Variants in MASTL observed in about 807,000 individuals in gnomAD.
MASTL encodes the protein serine/threonine-protein kinase greatwall.
MASTL carries 54 observed loss-of-function variants against 82.5 expected under a neutral mutation model. The observed-to-expected ratio is 0.65, with a 90% CI of 0.53 to 0.82. The LOEUF is 0.82. Ranked by LOEUF, MASTL falls within the 40% of genes least tolerant of loss-of-function variation. The probability of loss-of-function intolerance (pLI) is 0.00; values close to 1 mark genes in which losing one functional copy is unlikely to be tolerated. For synonymous variants in MASTL, 323 were observed against 368.9 expected (o/e 0.88, Z 1.43); for missense variants, 950 against 1,047.8 (o/e 0.91, Z 1.29).
rs760256464 is a variant in MASTL at position 27,165,419 on chromosome 10, C to T, written c.691C>T (p.Pro231Ser). Residue 231 changes from proline to serine, a missense_variant, in exon 6 of 12, where the codon CCT becomes TCT. Pro to Ser is a moderately conservative substitution (Grantham distance 74). Coordinates refer to ENST00000375940, the MANE Select transcript of MASTL (RefSeq NM_001172303.3). ...ACCAATTGCAGAAAAAAATCAAGACCCTGCAAACATCCTTTCAGCCTGTCT... is the reference window on the plus strand; with the variant it reads ...ACCAATTGCAGAAAAAAATCAAGACTCTGCAAACATCCTTTCAGCCTGTCT... ...NTPIAEKNQD[P>S]ANILSACLSE... is the part of the protein sequence containing the mutation. 2 of 1,614,014 alleles carry T rather than the reference C, an allele frequency of 1.2e-6. No individual in the cohort carries two copies. The highest frequency in any genetic ancestry group is 3.3e-5 in the Admixed American group (2 of 59,994).
chr10:27,178,094 T>C (rs1411434722), intron 9 of MASTL, among the ~76,000 whole-genome samples: 3 of 152,046 alleles, frequency 2.0e-5, no homozygotes, highest in Non-Finnish European at 4.4e-5. Context: ...ATAGTATTGA[T>C]ACAAATATTA....
rs58196933 is a variant in MASTL at position 27,160,159 on chromosome 10, C to CTT, written c.464+429_464+430dup. On this transcript the variant is annotated intron_variant, in intron 3 of 11. Coordinates refer to ENST00000375940, the MANE Select transcript of MASTL (RefSeq NM_001172303.3). ...TAGAGGTGTGTGCCATTACTCTTGG[C>CTT]TTTTTTTTTTTTTTTTTTTTTTTTT... Among the ~76,000 whole-genome samples, 349 of 40,608 alleles carry CTT rather than the reference C, an allele frequency of 8.6e-3. 93 individuals are homozygous for CTT. The highest frequency in any genetic ancestry group is 0.039 in the African/African-American group (283 of 7,234). The allele number at this position is 40,608 out of a possible 152,430, so 26.6% of individuals were successfully genotyped here.
chr10:27,181,943 C>T (rs375489712), intron 11 of MASTL, among the ~76,000 whole-genome samples: 5 of 151,846 alleles, frequency 3.3e-5, no homozygotes, highest in Admixed American at 2.0e-4. Flanking sequence ...GGCATAGTGG[C>T]GGGTGCCTGT....
intron 2 of MASTL, 76 bp downstream of exon 2, chr10:27,158,762 T>G: frequency 6.5e-7 from 1 of 1,540,212 alleles, no homozygotes; most frequent in Non-Finnish European, 9.0e-7. Context: ...AGAACCATGT[T>G]TTGGTTCAGA....
chr10:27,171,401 G>C (rs1217534206), intron 8 of MASTL, among the ~76,000 whole-genome samples: 1 of 147,026 alleles, frequency 6.8e-6, no homozygotes, highest in Non-Finnish European at 1.5e-5. Flanking sequence ...ACAGTACTAT[G>C]AGTTACAAAA....
Position 27,170,592 on chromosome 10 carries a change from A to G in MASTL, c.1633A>G (p.Lys545Glu), listed in dbSNP as rs770322604. 1.2e-6 allele frequency: 2 copies of G among 1,611,068 alleles called. No homozygotes were observed. Among genetic ancestry groups the G allele is most frequent in the South Asian group, 2.2e-5 (2 of 90,436 alleles). ...CGATGAAGACTGTGAAAAGAATAGT[A>G]AGAGGGACTACTTAAGTTCTAGTTT... ...ELDEDCEKNSKRDYLSSSFLC... is the reference protein window; with the variant it reads ...ELDEDCEKNSERDYLSSSFLC... Residue 545 changes from lysine (K) to glutamate (E), a missense_variant, in exon 8 of 12, where the codon AAG (lysine) becomes GAG (glutamate). Transcript: ENST00000375940.
intron 3 of MASTL, among the ~76,000 whole-genome samples, chr10:27,160,888 T>G (rs780302125): frequency 3.9e-5 from 6 of 152,240 alleles, no homozygotes; most frequent in African/African-American, 7.2e-5. Context: ...TATTAATTTA[T>G]CTTTTTTGTA....
intron 9 of MASTL, among the ~76,000 whole-genome samples, chr10:27,179,191 C>T (rs1293956179): frequency 3.3e-5 from 5 of 152,258 alleles, no homozygotes; most frequent in East Asian, 1.9e-4. Flanking sequence ...TCTTAGGAAA[C>T]ACTTTGTTCA....
Position 27,167,208 on chromosome 10 carries a change from C to T in MASTL, c.918C>T (p.Ser306=). 6.2e-7 allele frequency: 1 copy of T among 1,614,106 alleles called. No individual in the cohort carries two copies. Among genetic ancestry groups the T allele is most frequent in the African/African-American group, 1.3e-5 (1 of 75,048 alleles). The change falls in exon 7 of 12, where the codon TCC becomes TCT. Residue 306 remains serine (S), a synonymous_variant. Coordinates refer to ENST00000375940, the MANE Select transcript of MASTL (RefSeq NM_001172303.3). The part of the protein sequence containing the change: ...RLATSSASSQ[S]HTFISSVESE... ...CCACATCCAGTGCCAGTAGTCAATC[C>T]CACACCTTCATATCCAGTGTGGAAT...
rs566122221 is a variant in MASTL at position 27,180,903 on chromosome 10, A to G, written c.2267-50A>G. ...CACAATTAATATTTCTGTTCATCAA[A>G]TATTTGTAGAGAATGCTTGCAACTT... On this transcript the variant is annotated intron_variant, in intron 9 of 11. Transcript: ENST00000375940. 2.5e-6 allele frequency: 3 copies of G among 1,179,506 alleles called. No homozygotes were observed. The South Asian group carries it at 3.6e-5, about 14-fold the overall frequency. 73.1% of individuals were successfully genotyped at this position (1,179,506 alleles called of 1,614,324 possible).
intron 11 of MASTL, among the ~76,000 whole-genome samples, chr10:27,182,940 G>T (rs1201643663): frequency 6.6e-6 from 1 of 152,006 alleles, no homozygotes; most frequent in East Asian, 1.9e-4. Context: ...GAGCCACCTT[G>T]CCTGTCCTAA....
chr10:27,168,645 C>T (rs543811960), intron 7 of MASTL, among the ~76,000 whole-genome samples: 14 of 152,154 alleles, frequency 9.2e-5, no homozygotes, highest in African/African-American at 2.9e-4. Context: ...GGCAAAACCC[C>T]GTCTCTACTA....
At chr10:27,161,664 G>A (rs954936803) in intron 4 of MASTL, among the ~76,000 whole-genome samples, 2 of 152,136 alleles carry the variant, frequency 1.3e-5, no homozygotes, top group African/African-American at 4.8e-5. Context: ...AGGCTAGAAA[G>A]GTATAACGGG....
chr10:27,158,526 C>T (rs756202398), intron 1 of MASTL, 23 bp from the exon 2 acceptor site: 2 of 1,535,840 alleles, frequency 1.3e-6, no homozygotes, highest in Non-Finnish European at 1.8e-6. Flanking sequence ...AACATGATAT[C>T]ACTTTTATTT....
At chr10:27,167,350 A>G (rs2057774783) in intron 7 of MASTL, 76 bp downstream of exon 7, 1 of 1,247,046 alleles carries the variant, frequency 8.0e-7, no homozygotes, top group South Asian at 1.3e-5. Context: ...ACCTTTTCAT[A>G]TAAATTCCAT....
chr10:27,181,247 C>G (rs938949181), intron 10 of MASTL, among the ~76,000 whole-genome samples, 181 bp downstream of exon 10: 6 of 151,962 alleles, frequency 3.9e-5, no homozygotes, highest in Non-Finnish European at 8.8e-5. Flanking sequence ...AAAAATTAGC[C>G]AGGCATGTTG....
intron 11 of MASTL, among the ~76,000 whole-genome samples, chr10:27,185,124 A>T (rs970771312): frequency 5.3e-5 from 8 of 152,174 alleles, no homozygotes; most frequent in African/African-American, 1.9e-4. Context: ...AAGGATAAGG[A>T]TGGAGCACAG....
rs1217912288 is a variant in MASTL at position 27,165,528 on chromosome 10, T to C, written c.800T>C (p.Leu267Ser). The C allele has an allele frequency of 3.7e-6, 6 of 1,613,994 alleles. No homozygotes were observed. Among genetic ancestry groups the C allele is most frequent in the African/African-American group, 1.3e-5 (1 of 74,914 alleles). The change falls in exon 6 of 12, where the codon TTA (leucine) becomes TCA (serine). Residue 267 changes from leucine (L) to serine (S), a missense_variant. By Grantham distance (145) the Leu-to-Ser change is moderately radical. Transcript: ENST00000375940. ...QKDTTPYSSK[L>S]LKSCLETVAS... ...GACACTACGCCTTATTCTAGCAAAT[T>C]ACTAAAATCATGTGAGTATAAAAGA...
intron 7 of MASTL, among the ~76,000 whole-genome samples, chr10:27,168,254 A>G (rs1290805592): frequency 6.6e-6 from 1 of 152,214 alleles, no homozygotes; most frequent in Non-Finnish European, 1.5e-5. Context: ...TAAAGGTACT[A>G]TATGCTGCAA....
Sources: allele counts gnomAD v4.1 joint callset (sites outside exome capture counted in the v4.1 genomes callset), GRCh38; gene constraint gnomAD v4.1.1; transcripts MANE v1.5; gene names NCBI Gene and HGNC (gene_info 2026-07-23, HGNC 2026-07-21).